TBX5: variants seen among roughly 807,000 people sequenced by gnomAD.
The protein encoded by TBX5 is T-box transcription factor TBX5.
In TBX5, 8 loss-of-function variants were observed where a neutral mutation model predicts 51.1. That is an observed-to-expected ratio of 0.16 (90% CI 0.09 to 0.28). The LOEUF (loss-of-function observed/expected upper bound fraction) is 0.28. Ranked by LOEUF, TBX5 falls within the 10% of genes least tolerant of loss-of-function variation. The pLI is 1.00. For synonymous variants in TBX5, 302 were observed against 266.4 expected (o/e 1.13, Z -1.30); for missense variants, 589 against 671.7 (o/e 0.88, Z 1.36).
chr12:114,361,312 C>T (rs920658497), intron 8 of TBX5, among the ~76,000 whole-genome samples: 3 of 152,228 alleles, frequency 2.0e-5, no homozygotes, highest in African/African-American at 7.2e-5. Flanking sequence ...CCCTGCAAAG[C>T]CCTTTTCCAT....
intron 7 of TBX5, among the ~76,000 whole-genome samples, chr12:114,377,541 C>A (rs1444313345): frequency 6.6e-6 from 1 of 151,612 alleles, no homozygotes; most frequent in Non-Finnish European, 1.5e-5. Flanking sequence ...TAGACACAGG[C>A]TATCATGTCC....
chr12:114,355,427 A>G lies in TBX5; in HGVS notation c.*105T>C, dbSNP rs771970874. On this transcript the variant is annotated 3_prime_UTR_variant, in exon 9 of 9. Coordinates refer to ENST00000405440, the MANE Select transcript of TBX5 (RefSeq NM_181486.4). Reference sequence around the variant, plus strand: ...ATGTGAACATTGGGTGAAATGAAAAATCTTGTCCGTGGGGTTCTCTTGGCT... The same window carrying G: ...ATGTGAACATTGGGTGAAATGAAAAGTCTTGTCCGTGGGGTTCTCTTGGCT... 8 of 1,422,274 alleles carry G rather than the reference A, an allele frequency of 5.6e-6. No homozygotes were observed. Among genetic ancestry groups the G allele is most frequent in the African/African-American group, 2.8e-5 (2 of 70,600 alleles). 88.1% of individuals were successfully genotyped at this position (1,422,274 alleles called of 1,614,324 possible). A position where few individuals can be genotyped will look rare whatever the true frequency, so the allele number is the denominator to read the frequency against.
intron 6 of TBX5, among the ~76,000 whole-genome samples, chr12:114,388,239 C>A (rs535684025): frequency 6.6e-6 from 1 of 152,132 alleles, no homozygotes; most frequent in Non-Finnish European, 1.5e-5. Flanking sequence ...CTCACTGCAA[C>A]CTCCACCTCC....
At chr12:114,368,332 C>CTCAATCAA (rs57863558) in intron 7 of TBX5, among the ~76,000 whole-genome samples, 25 of 151,564 alleles carry the variant, frequency 1.6e-4, no homozygotes, top group African/African-American at 6.1e-4. Flanking sequence ...GAAACCCTGT[C>CTCAATCAA]TCAATCAATC....
intron 7 of TBX5, among the ~76,000 whole-genome samples, chr12:114,373,331 G>A (rs1870018751): frequency 6.6e-6 from 1 of 152,192 alleles, no homozygotes; most frequent in African/African-American, 2.4e-5. Context: ...AGAACAAGAG[G>A]CCTATCTCAC....
intron 6 of TBX5, among the ~76,000 whole-genome samples, chr12:114,389,450 T>A (rs149723248): frequency 7.0e-4 from 106 of 151,746 alleles, no homozygotes; most frequent in African/African-American, 2.5e-3. Flanking sequence ...TAAGGAGAAA[T>A]AGATCATTTA....
chr12:114,355,727 C>A lies in TBX5; in HGVS notation c.1362G>T (p.Met454Ile), dbSNP rs971831243. The change falls in exon 9 of 9, where the codon ATG becomes ATT. Residue 454 changes from methionine to isoleucine, a missense_variant. Physicochemically the swap from Met to Ile is conservative, Grantham distance 10. Transcript: ENST00000405440. ...GGGCCACGGAGGTCTGGTGCTGGAA[C>A]ATTCCCTCTCCCAGCTGTGGGGAGC... Reference protein sequence around the residue: ...NHGSPQLGEGMFQHQTSVAHQ... With the variant: ...NHGSPQLGEGIFQHQTSVAHQ... 6.2e-7 allele frequency: 1 copy of A among 1,614,070 alleles called. No individual in the cohort carries two copies. The highest frequency in any genetic ancestry group is 8.5e-7 in the Non-Finnish European group (1 of 1,180,026).
chr12:114,375,269 G>C (rs1379042876), intron 7 of TBX5, among the ~76,000 whole-genome samples: 1 of 152,216 alleles, frequency 6.6e-6, no homozygotes, highest in Non-Finnish European at 1.5e-5. Flanking sequence ...ACCTCCATCA[G>C]AGCCACTGGA....
In TBX5 at chr12:114,403,936, T is replaced by C; in HGVS notation, c.-38A>G. The C allele has an allele frequency of 6.2e-7, 1 of 1,603,338 alleles. No individual in the cohort carries two copies. Among genetic ancestry groups the C allele is most frequent in the Non-Finnish European group, 8.5e-7 (1 of 1,179,046 alleles). ...GCCCTGTGCCCGCGCAAGGTTCTGC[T>C]CTGAGGACAAGAAGCAGGGGGAGAT... On this transcript the variant is annotated splice_region_variant and 5_prime_UTR_variant, in exon 2 of 9. Transcript: ENST00000405440.
At position 114,401,837 on chromosome 12, in the gene TBX5, G is replaced by A. The variant is rs1450792524; in HGVS notation, c.231C>T (p.Thr77=). The change falls in exon 3 of 9, where the codon ACC becomes ACT. Residue 77 remains threonine, a synonymous_variant. Coordinates refer to ENST00000405440, the MANE Select transcript of TBX5 (RefSeq NM_181486.4). ...FHEVGTEMII[T]KAGRRMFPSY... The stretch of plus-strand genomic sequence containing the variant: ...ACAAACCATCTCACCTTCCAGCCTT[G>A]GTTATGATCATTTCCGTGCCCACTT... The A allele has an allele frequency of 6.2e-6, 10 of 1,613,992 alleles. No individual in the cohort carries two copies. The highest frequency in any genetic ancestry group is 1.7e-5 in the Admixed American group (1 of 60,012).
rs142631741 is a variant in TBX5, at chr12:114,394,849, G to A, written c.555C>T (p.Ile185=). The A allele has an allele frequency of 1.2e-6, 2 of 1,614,030 alleles. No individual in the cohort carries two copies. Among genetic ancestry groups the A allele is most frequent in the African/African-American group, 1.3e-5 (1 of 74,988 alleles). Residue 185 remains isoleucine, a synonymous_variant, in exon 6 of 9, where the codon ATC becomes ATT. Coordinates refer to ENST00000405440, the MANE Select transcript of TBX5 (RefSeq NM_181486.4). ...ATCCATTATTTTCATCCGCTTTCAC[G>A]ATGTGTAATCTAGGCTGGTATTTGT... is the stretch of plus-strand genomic sequence containing the variant. ...SMHKYQPRLH[I]VKADENNGFG...
chr12:114,396,415 C>T (rs1304430845), intron 5 of TBX5, among the ~76,000 whole-genome samples: 1 of 152,068 alleles, frequency 6.6e-6, no homozygotes, highest in Non-Finnish European at 1.5e-5. Flanking sequence ...GATCTAATGG[C>T]TCCTAATTTC....
At chr12:114,366,476 AC>A in intron 7 of TBX5, 85 bp from the exon 8 acceptor site, 1 of 1,360,204 alleles carries the variant, frequency 7.4e-7, no homozygotes, top group Non-Finnish European at 1.0e-6. Flanking sequence ...GAGAGAATCC[AC>A]CAGAAAAGTC....
chr12:114,407,032 C>A, upstream of TBX5: 1 of 985,210 alleles, frequency 1.0e-6, no homozygotes, highest in South Asian at 4.7e-5. Flanking sequence ...TTCTAGGGTT[C>A]TGATAAGAGA....
At chr12:114,405,365 C>T (rs943590408) in intron 1 of TBX5, among the ~76,000 whole-genome samples, 2 of 152,204 alleles carry the variant, frequency 1.3e-5, no homozygotes, top group African/African-American at 4.8e-5. Flanking sequence ...GCCAGGGTCC[C>T]GGGGAGCTCT....
chr12:114,397,947 G>T (rs1176493366), intron 5 of TBX5, among the ~76,000 whole-genome samples: 1 of 152,218 alleles, frequency 6.6e-6, no homozygotes, highest in Non-Finnish European at 1.5e-5. Context: ...GGGAGGGAAG[G>T]TATATGGCTT....
At chr12:114,370,296 AG>A (rs1477666328) in intron 7 of TBX5, among the ~76,000 whole-genome samples, 26 of 148,250 alleles carry the variant, frequency 1.8e-4, no homozygotes, top group Non-Finnish European at 2.6e-4. Context: ...AAGAAAGAAA[AG>A]AAAAGAAAAG....
chr12:114,402,329 TG>T lies in TBX5; in HGVS notation c.148-410del, dbSNP rs139434358. Among the ~76,000 whole-genome samples the T allele has an allele frequency of 2.8e-3, 426 of 150,454 alleles. 1 individual carries two copies. Among genetic ancestry groups the T allele is most frequent in the African/African-American group, 9.6e-3 (394 of 40,926 alleles). ...TTCAATCCACTTCACCTGAGATGGG[TG>T]GGGGGGATAGATAAAAAACCTAATT... On this transcript the variant is annotated intron_variant, in intron 2 of 8. Coordinates refer to ENST00000405440, the MANE Select transcript of TBX5 (RefSeq NM_181486.4).
In TBX5 at chr12:114,386,761, C is replaced by A. The variant is rs537000817; in HGVS notation, c.664-1194G>T. Among the ~76,000 whole-genome samples, 5 of 152,206 alleles carry A rather than the reference C, an allele frequency of 3.3e-5. No individual in the cohort carries two copies. The South Asian group carries it at 8.3e-4, about 25-fold the overall frequency. On this transcript the variant is annotated intron_variant, in intron 6 of 8. Coordinates refer to ENST00000405440, the MANE Select transcript of TBX5 (RefSeq NM_181486.4). ...AACACAAACCAGTACTGAACTGAGA[C>A]TCCCTCTCTAATAGAAGACTAGAAA... is the stretch of plus-strand genomic sequence containing the variant.
Sources: allele counts gnomAD v4.1 joint callset (sites outside exome capture counted in the v4.1 genomes callset), GRCh38; gene constraint gnomAD v4.1.1; transcripts MANE v1.5; gene names NCBI Gene and HGNC (gene_info 2026-07-23, HGNC 2026-07-21).